Variants in PDCD4 observed in about 807,000 individuals in gnomAD.
The protein encoded by PDCD4 is programmed cell death 4.
PDCD4 carries 56 observed loss-of-function variants against 54.0 expected under a neutral mutation model. The ratio of observed to expected loss-of-function variants is 1.04; its 90% CI spans 0.84 to 1.30. PDCD4 has a LOEUF of 1.30. Among genes scored for constraint, PDCD4 ranks in the 50% most tolerant of loss-of-function variants. PDCD4 has a pLI of 0.00. For missense variants in PDCD4, 584 were observed against 559.8 expected, an observed-to-expected ratio of 1.04 and a Z score of -0.44; for synonymous variants, 186 against 194.8, an observed-to-expected ratio of 0.95 and a Z score of 0.37.
At chr10:110,879,205 C>T (rs931850988) in intron 2 of PDCD4, among the ~76,000 whole-genome samples, 9 of 152,166 alleles carry the variant, frequency 5.9e-5, no homozygotes, top group African/African-American at 2.2e-4. Context: ...TTTATACTTT[C>T]TCTTTTTGTA....
chr10:110,885,822 A>T (rs1033907750), intron 5 of PDCD4, among the ~76,000 whole-genome samples: 1 of 152,070 alleles, frequency 6.6e-6, no homozygotes. Flanking sequence ...TCCAAAAAAA[A>T]CCCCACAAAT....
In PDCD4 at chr10:110,881,462, G is replaced by T; in HGVS notation, c.273G>T (p.Val91=). 1 of 1,614,150 alleles carries T rather than the reference G, an allele frequency of 6.2e-7. No individual in the cohort carries two copies. Among genetic ancestry groups the T allele is most frequent in the East Asian group, 2.2e-5 (1 of 44,874 alleles). The change falls in exon 3 of 12, where the codon GTG becomes GTT. Residue 91 remains valine (V), a synonymous_variant. Transcript: ENST00000280154. ...GSDALRSGLT[V]PTSPKGRLLD... ...ACGCCCTTAGAAGTGGATTAACTGT[G>T]CCAACCAGTCCAAAGGGAAGGTTGC...
chr10:110,898,319 G>T lies in PDCD4; in HGVS notation c.*231G>T. 3.0e-6 allele frequency: 1 copy of T among 338,280 alleles called. No individual in the cohort carries two copies. The highest frequency in any genetic ancestry group is 1.3e-4 in the South Asian group (1 of 7,624). The allele number at this position is 338,280 out of a possible 1,614,324, so 21.0% of individuals were successfully genotyped here. Reference sequence around the variant, plus strand: ...ACAGAAAAGTAACCTCTTCTTAAGTGGAATATTCTAATAAGCTACCTTTTG... The same window carrying T: ...ACAGAAAAGTAACCTCTTCTTAAGTTGAATATTCTAATAAGCTACCTTTTG... On this transcript the variant is annotated 3_prime_UTR_variant, in exon 12 of 12. Coordinates refer to ENST00000280154, the MANE Select transcript of PDCD4 (RefSeq NM_014456.5).
At position 110,881,389 on chromosome 10, in the gene PDCD4, CA is replaced by C; in HGVS notation, c.201del (p.Ser68ProfsTer22). ...AKAKRRLRKNSSRDSGRGDSV... is the reference protein window; with the variant it reads ...AKAKRRLRKNXSRDSGRGDSV... Reference sequence around the variant, plus strand: ...GCAAAAAGGCGACTAAGGAAAAACTCATCCCGGGACTCTGGCAGAGGCGATT... The same window carrying C: ...GCAAAAAGGCGACTAAGGAAAAACTCTCCCGGGACTCTGGCAGAGGCGATT... On this transcript the variant is annotated frameshift_variant, in exon 3 of 12. Coordinates refer to ENST00000280154, the MANE Select transcript of PDCD4 (RefSeq NM_014456.5). LOFTEE classifies it high-confidence loss of function. 1 of 1,614,178 alleles carries C rather than the reference CA, an allele frequency of 6.2e-7. No individual in the cohort carries two copies.
intron 4 of PDCD4, among the ~76,000 whole-genome samples, chr10:110,884,225 C>T (rs932178380): frequency 6.6e-6 from 1 of 152,198 alleles, no homozygotes; most frequent in Non-Finnish European, 1.5e-5. Context: ...AATGTATACA[C>T]TACTCGTGCA....
intron 2 of PDCD4, among the ~76,000 whole-genome samples, chr10:110,880,101 C>T (rs971414154): frequency 6.6e-6 from 1 of 152,168 alleles, no homozygotes; most frequent in Non-Finnish European, 1.5e-5. Flanking sequence ...AAAGAGCTTT[C>T]AGGGCAAAGC....
chr10:110,881,242 A>G lies in PDCD4; in HGVS notation c.53A>G (p.Asn18Ser). The stretch of plus-strand genomic sequence containing the variant: ...CATTTTTCTCTTTAAGATCCTGATA[A>G]CTTAAGTGACTCTCTCTTTTCCGGT... ...ILNVNPADPDNLSDSLFSGDE... is the reference protein window; with the variant it reads ...ILNVNPADPDSLSDSLFSGDE... Residue 18 changes from asparagine (N) to serine (S), a missense_variant, in exon 3 of 12, where the codon AAC becomes AGC. By Grantham distance (46) the Asn-to-Ser change is conservative. Coordinates refer to ENST00000280154, the MANE Select transcript of PDCD4 (RefSeq NM_014456.5). 1.2e-6 allele frequency: 2 copies of G among 1,610,226 alleles called. No individual in the cohort carries two copies. The highest frequency in any genetic ancestry group is 1.7e-6 in the Non-Finnish European group (2 of 1,177,446).
chr10:110,893,977 C>T, intron 8 of PDCD4, 114 bp from the exon 9 acceptor site: 1 of 618,870 alleles, frequency 1.6e-6, no homozygotes. Flanking sequence ...ATGTTATTAG[C>T]TGTTTGTTAC....
intron 2 of PDCD4, among the ~76,000 whole-genome samples, chr10:110,879,922 G>T (rs902241242): frequency 6.6e-6 from 1 of 152,154 alleles, no homozygotes; most frequent in African/African-American, 2.4e-5. Flanking sequence ...AAAATTTTTG[G>T]TTTCAACATG....
rs1845891277 is a variant in PDCD4 at position 110,898,727 on chromosome 10, A to G, written c.*639A>G. 6.6e-6 allele frequency: 1 copy of G among 152,540 alleles called. No individual in the cohort carries two copies. The highest frequency in any genetic ancestry group is 1.5e-5 in the Non-Finnish European group (1 of 67,942). The allele number at this position is 152,540 out of a possible 1,614,324, so 9.4% of individuals were successfully genotyped here. A position where few individuals can be genotyped will look rare whatever the true frequency, so the allele number is the denominator to read the frequency against. ...AGAAGAATGTACACCAAAATAAAACATGTGAAGCAGTATTGATTCTTTATT... is the reference window on the plus strand; with the variant it reads ...AGAAGAATGTACACCAAAATAAAACGTGTGAAGCAGTATTGATTCTTTATT... On this transcript the variant is annotated 3_prime_UTR_variant, in exon 12 of 12. Coordinates refer to ENST00000280154, the MANE Select transcript of PDCD4 (RefSeq NM_014456.5).
Position 110,885,168 on chromosome 10 carries a change from A to C in PDCD4, c.442-85A>C. ...TTGTGCTAAGTGGGGATTATTAACC[A>C]CTTAGAATATAAAATTGTACAACAA... On this transcript the variant is annotated intron_variant, in intron 4 of 11. Coordinates refer to ENST00000280154, the MANE Select transcript of PDCD4 (RefSeq NM_014456.5). 3 of 669,724 alleles carry C rather than the reference A, an allele frequency of 4.5e-6. No individual in the cohort carries two copies. In the South Asian group the frequency reaches 5.4e-5, roughly 12 times the overall value. The allele number at this position is 669,724 out of a possible 1,614,324, so 41.5% of individuals were successfully genotyped here. A position where few individuals can be genotyped will look rare whatever the true frequency, so the allele number is the denominator to read the frequency against.
Position 110,898,158 on chromosome 10 carries a change from G to GTTTTT in PDCD4, c.*86_*90dup, listed in dbSNP as rs5787876. The GTTTTT allele has an allele frequency of 1.1e-4, 44 of 385,508 alleles. No individual in the cohort carries two copies. Among genetic ancestry groups the GTTTTT allele is most frequent in the East Asian group, 6.5e-4 (14 of 21,592 alleles). 23.9% of individuals were successfully genotyped at this position (385,508 alleles called of 1,614,324 possible). ...TGAATTGTAAGAGTTGTTAGCACAA[G>GTTTTT]TTTTTTTTTTTTTTTTTTTTAAGCA... On this transcript the variant is annotated 3_prime_UTR_variant, in exon 12 of 12. Transcript: ENST00000280154.
At chr10:110,894,339 GC>G in intron 9 of PDCD4, 72 bp from the exon 10 acceptor site, 2 of 886,458 alleles carry the variant, frequency 2.3e-6, no homozygotes, top group Non-Finnish European at 3.7e-6. Context: ...ATTACAGAAG[GC>G]ATCTAGGTGC....
rs144285114 is a variant in PDCD4, at chr10:110,885,854, A to G, written c.555+488A>G. ...AAATAATAAAGATTTGAAAAAGAAT[A>G]TACAGAAGCCATGAGAATAATCATG... On this transcript the variant is annotated intron_variant, in intron 5 of 11. Coordinates refer to ENST00000280154, the MANE Select transcript of PDCD4 (RefSeq NM_014456.5). Among the ~76,000 whole-genome samples, 488 of 152,288 alleles carry G rather than the reference A, an allele frequency of 3.2e-3. 26 individuals carry two copies. In the South Asian group the frequency reaches 0.093, roughly 29 times the overall value.
chr10:110,899,077 C>G lies in PDCD4; in HGVS notation c.*989C>G, dbSNP rs1845905083. 6.6e-6 allele frequency: 1 copy of G among 152,084 alleles called. No homozygotes were observed. Among genetic ancestry groups the G allele is most frequent in the African/African-American group, 2.4e-5 (1 of 41,418 alleles). The allele number at this position is 152,084 out of a possible 1,614,324, so 9.4% of individuals were successfully genotyped here. ...TACAAAAAGTTATACTCCAGAGACC[C>G]AAAGCTTGACATTTACCTAATGTAT... On this transcript the variant is annotated 3_prime_UTR_variant, in exon 12 of 12. Transcript: ENST00000280154.
chr10:110,889,487 A>C (rs1845722901), intron 6 of PDCD4, 46 bp from the exon 7 acceptor site: 2 of 1,055,508 alleles, frequency 1.9e-6, no homozygotes, highest in African/African-American at 3.2e-5. Flanking sequence ...GACCTATAAA[A>C]GTTATTTAAC....
intron 8 of PDCD4, among the ~76,000 whole-genome samples, chr10:110,892,460 G>T (rs536587665): frequency 6.6e-6 from 1 of 152,310 alleles, no homozygotes; most frequent in East Asian, 1.9e-4. Context: ...TTTTAGAAAT[G>T]TATAAATGTA....
intron 1 of PDCD4, among the ~76,000 whole-genome samples, chr10:110,874,459 T>G (rs1185016167): frequency 6.6e-6 from 1 of 152,204 alleles, no homozygotes; most frequent in Non-Finnish European, 1.5e-5. Context: ...TGAAGGATGC[T>G]GAGTGTTTAG....
At position 110,895,994 on chromosome 10, in the gene PDCD4, T is replaced by G; in HGVS notation, c.1256T>G (p.Val419Gly). 1 of 1,605,826 alleles carries G rather than the reference T, an allele frequency of 6.2e-7. No homozygotes were observed. The highest frequency in any genetic ancestry group is 1.1e-5 in the South Asian group (1 of 90,282). Residue 419 changes from valine (V) to glycine (G), a missense_variant, in exon 11 of 12, where the codon GTC (valine) becomes GGC (glycine). Physicochemically the swap from Val to Gly is moderately radical, Grantham distance 109. Coordinates refer to ENST00000280154, the MANE Select transcript of PDCD4 (RefSeq NM_014456.5). ...GAAATTCCGGACATTAATCTGGATG[T>G]CCCACATTCATACTCTGTGCTGGAG... ...YNEIPDINLDVPHSYSVLERF... is the reference protein window; with the variant it reads ...YNEIPDINLDGPHSYSVLERF...
Sources: allele counts gnomAD v4.1 joint callset (sites outside exome capture counted in the v4.1 genomes callset), GRCh38; gene constraint gnomAD v4.1.1; transcripts MANE v1.5; gene names NCBI Gene and HGNC (gene_info 2026-07-23, HGNC 2026-07-21).